The following SLC14A2 variants were observed in gnomAD, a reference collection of about 807,000 sequenced individuals.
SLC14A2 encodes solute carrier family 14 member 2, also known as urea transporter 2.
SLC14A2 carries 91 observed loss-of-function variants against 104.6 expected under a neutral mutation model. The observed-to-expected ratio is 0.87, with a 90% confidence interval of 0.73 to 1.04. The LOEUF (loss-of-function observed/expected upper bound fraction) is 1.04. Ranked by LOEUF, SLC14A2 falls within the 50% of genes least tolerant of loss-of-function variation. The pLI is 0.00. For synonymous variants in SLC14A2, 476 were observed against 466.4 expected (o/e 1.02, Z -0.27); for missense variants, 1,189 against 1,156.0 (o/e 1.03, Z -0.41).
the SLC14A2 span, among the ~76,000 whole-genome samples, chr18:45,201,644 G>C: frequency 6.6e-6 from 1 of 151,760 alleles, no homozygotes; most frequent in Non-Finnish European, 1.5e-5. Context: ...TCCTGTTTCA[G>C]CCTTAGAATC....
intron 1 of SLC14A2, among the ~76,000 whole-genome samples, chr18:45,316,166 G>C (rs1200205824): frequency 6.6e-6 from 1 of 152,194 alleles, no homozygotes; most frequent in Non-Finnish European, 1.5e-5. Context: ...GTACAAAGCA[G>C]AGGCCAGCAG....
intron 1 of SLC14A2, among the ~76,000 whole-genome samples, chr18:45,473,984 T>G (rs1598876831): frequency 6.6e-6 from 1 of 152,236 alleles, no homozygotes; most frequent in South Asian, 2.1e-4. Flanking sequence ...TTCCTGTTTT[T>G]GCCCATTCAG....
chr18:45,626,660 G>C (rs903733186), intron 3 of SLC14A2, among the ~76,000 whole-genome samples: 2 of 151,474 alleles, frequency 1.3e-5, no homozygotes, highest in Non-Finnish European at 2.9e-5. Context: ...TGCTCCCGGG[G>C]CTTCTTTTCC....
At chr18:45,663,123 G>T (rs931305082) in intron 10 of SLC14A2, among the ~76,000 whole-genome samples, 11 of 152,164 alleles carry the variant, frequency 7.2e-5, no homozygotes, top group African/African-American at 2.7e-4. Flanking sequence ...AATAAGCACA[G>T]AATTCACCCA....
intron 1 of SLC14A2, among the ~76,000 whole-genome samples, chr18:45,277,791 G>A (rs2084718511): frequency 6.6e-6 from 1 of 152,182 alleles, no homozygotes; most frequent in Admixed American, 6.5e-5. Flanking sequence ...CACAGGATAT[G>A]ATATACAAGA....
intron 1 of SLC14A2, among the ~76,000 whole-genome samples, chr18:45,618,140 A>G (rs528848444): frequency 2.0e-5 from 3 of 152,256 alleles, no homozygotes; most frequent in East Asian, 3.9e-4. Flanking sequence ...CTCATGGGAA[A>G]GGGACCCCAG....
At chr18:45,195,452 T>C in the SLC14A2 span, among the ~76,000 whole-genome samples, 2 of 152,168 alleles carry the variant, frequency 1.3e-5, no homozygotes, top group African/African-American at 4.8e-5. Context: ...AGTGCAGTGG[T>C]GCGATCTTGG....
upstream of SLC14A2, among the ~76,000 whole-genome samples, chr18:45,209,904 A>C (rs1262041512): frequency 1.3e-5 from 2 of 152,222 alleles, no homozygotes; most frequent in Admixed American, 6.5e-5. Context: ...TACTGGAAAC[A>C]AGGTCAAGCT....
chr18:45,228,531 C>A (rs1260972396), intron 1 of SLC14A2, among the ~76,000 whole-genome samples: 1 of 152,096 alleles, frequency 6.6e-6, no homozygotes, highest in East Asian at 1.9e-4. Context: ...CAGGTGACTG[C>A]CACAAACTCG....
the SLC14A2 span, among the ~76,000 whole-genome samples, chr18:45,188,660 G>A: frequency 0.5 from 76,540 of 151,940 alleles, 19,689 homozygotes; most frequent in Non-Finnish European, 0.57. Flanking sequence ...TCCTGCTCCT[G>A]AGAACTGTAA....
intron 1 of SLC14A2, among the ~76,000 whole-genome samples, chr18:45,451,938 A>ATGGTTAATCAGAACCT (rs1465759668): frequency 1.3e-5 from 2 of 152,234 alleles, no homozygotes; most frequent in African/African-American, 4.8e-5. Flanking sequence ...TAACCAGAAC[A>ATGGTTAATCAGAACCT]TGGTTAATCA....
rs552519831 is a variant in SLC14A2, at chr18:45,664,880, G to C, written c.1474+973G>C. ...CAGAGTGTGGAAGAGACCACGGTTTGCCTCAAAGGCTTAATAAATTCCTCC... is the reference window on the plus strand; with the variant it reads ...CAGAGTGTGGAAGAGACCACGGTTTCCCTCAAAGGCTTAATAAATTCCTCC... On this transcript the variant is annotated intron_variant, in intron 11 of 19. Transcript: ENST00000255226. Among the ~76,000 whole-genome samples, 32 of 152,268 alleles carry C rather than the reference G, an allele frequency of 2.1e-4. 1 individual carries two copies. The South Asian group carries it at 6.2e-3, about 30-fold the overall frequency.
chr18:45,515,940 G>T (rs1452904050), intron 2 of SLC14A2, among the ~76,000 whole-genome samples: 2 of 152,244 alleles, frequency 1.3e-5, no homozygotes, highest in Non-Finnish European at 2.9e-5. Flanking sequence ...AGCCATTGTG[G>T]TAACTATAGG....
intron 2 of SLC14A2, 61 bp from the exon 3 acceptor site, chr18:45,625,622 C>G: frequency 7.1e-7 from 1 of 1,408,374 alleles, no homozygotes; most frequent in Admixed American, 2.7e-5. Context: ...TCCTCTATCC[C>G]CAAATGTCCC....
chr18:45,450,690 T>G (rs1381018470), intron 1 of SLC14A2, among the ~76,000 whole-genome samples: 1 of 152,208 alleles, frequency 6.6e-6, no homozygotes. Context: ...AAGGTTACAC[T>G]CTGACAGTCT....
chr18:45,671,804 T>C (rs1445544974), intron 16 of SLC14A2, among the ~76,000 whole-genome samples: 1 of 152,148 alleles, frequency 6.6e-6, no homozygotes, highest in Non-Finnish European at 1.5e-5. Context: ...TTAATCTATA[T>C]ACAGGGACTC....
the SLC14A2 span, among the ~76,000 whole-genome samples, chr18:45,195,673 A>G: frequency 2.6e-5 from 4 of 152,318 alleles, no homozygotes; most frequent in East Asian, 7.7e-4. Context: ...TGCAGGTGTG[A>G]GCCACTGCGC....
At chr18:45,438,701 C>T (rs1408933759) in intron 1 of SLC14A2, among the ~76,000 whole-genome samples, 1 of 152,166 alleles carries the variant, frequency 6.6e-6, no homozygotes, top group Non-Finnish European at 1.5e-5. Flanking sequence ...ATAAAAATAT[C>T]CTAATGATCT....
chr18:45,338,712 A>AAAT (rs1568158107), intron 1 of SLC14A2, among the ~76,000 whole-genome samples: 1 of 143,936 alleles, frequency 6.9e-6, no homozygotes, highest in African/African-American at 2.7e-5. Flanking sequence ...AAAAAAAAAA[A>AAAT]CTCTTTATTT....
Sources: gnomAD v4.1 joint callset for allele counts (sites outside exome capture counted in the v4.1 genomes callset) on GRCh38, gnomAD v4.1.1 for gene constraint, MANE v1.5 for transcripts, NCBI Gene and HGNC (gene_info 2026-07-23, HGNC 2026-07-21) for gene names.